SLC22A23: variants seen among roughly 807,000 people sequenced by gnomAD.
The protein encoded by SLC22A23 is ion transporter protein.
In SLC22A23, 26 loss-of-function variants were observed where a neutral mutation model predicts 61.0. The ratio of observed to expected loss-of-function variants is 0.43; its 90% CI spans 0.31 to 0.59. The LOEUF (loss-of-function observed/expected upper bound fraction) is 0.59. Among genes scored for constraint, SLC22A23 ranks in the 20% least tolerant of loss-of-function variants. The pLI is 0.11. For missense variants in SLC22A23, 796 were observed against 934.7 expected, an observed-to-expected ratio of 0.85 and a Z score of 1.94; for synonymous variants, 430 against 413.9, an observed-to-expected ratio of 1.04 and a Z score of -0.47.
chr6:3,423,523 G>A (rs1478755601), intron 1 of SLC22A23, among the ~76,000 whole-genome samples: 2 of 152,108 alleles, frequency 1.3e-5, no homozygotes, highest in African/African-American at 4.8e-5. Flanking sequence ...TTTATTAACG[G>A]CCCTCATCAA....
chr6:3,439,269 C>T lies in SLC22A23; in HGVS notation c.654+16637G>A, dbSNP rs997625680. On this transcript the variant is annotated intron_variant, in intron 1 of 9. Transcript: ENST00000406686. ...CGACAAAAATGTCTCCAGACATTGC[C>T]GAATGTTCTCTGGGAGCAAAATCAT... The T allele has an allele frequency of 2.8e-5, 12 of 436,354 alleles. No homozygotes were observed. The East Asian group carries it at 3.5e-4, about 13-fold the overall frequency. 27.0% of individuals were successfully genotyped at this position (436,354 alleles called of 1,614,324 possible). A position where few individuals can be genotyped will look rare whatever the true frequency, so the allele number is the denominator to read the frequency against.
chr6:3,415,217 A>ACCGAAATGCTCTT (rs910335281), intron 2 of SLC22A23, among the ~76,000 whole-genome samples: 2 of 152,108 alleles, frequency 1.3e-5, no homozygotes, highest in African/African-American at 2.4e-5. Flanking sequence ...CATCTGTATT[A>ACCGAAATGCTCTT]CCGAAATGCT....
chr6:3,297,036 G>A lies in SLC22A23; in HGVS notation c.1210+1055C>T, dbSNP rs905410400. 3.9e-5 allele frequency among the ~76,000 whole-genome samples: 6 copies of A among 152,164 alleles called. No individual in the cohort carries two copies. The highest frequency in any genetic ancestry group is 4.4e-5 in the Non-Finnish European group (3 of 68,014). On this transcript the variant is annotated intron_variant, in intron 5 of 9. Coordinates refer to ENST00000406686, the MANE Select transcript of SLC22A23 (RefSeq NM_015482.2). The surrounding 1 kb of genome is among the most constrained non-coding windows in gnomAD (Gnocchi z 4.3). ...GCCACTCTGACTGTAGTCCCTCCCT[G>A]CCACCCTCTATCCCACAGCCCTGCT...
chr6:3,341,780 G>A (rs1003664309), intron 3 of SLC22A23, among the ~76,000 whole-genome samples: 43 of 152,062 alleles, frequency 2.8e-4, no homozygotes, highest in Non-Finnish European at 8.8e-5. Context: ...AAGCGAGGGG[G>A]GTGGGGGCGG....
chr6:3,278,291 A>G (rs1759097803), intron 9 of SLC22A23, among the ~76,000 whole-genome samples: 1 of 152,192 alleles, frequency 6.6e-6, no homozygotes, highest in Non-Finnish European at 1.5e-5. Flanking sequence ...AGCACTTCAT[A>G]TTAGAAAGCC....
intron 2 of SLC22A23, among the ~76,000 whole-genome samples, chr6:3,413,342 C>T (rs938285545): frequency 3.3e-5 from 5 of 152,200 alleles, no homozygotes; most frequent in Non-Finnish European, 7.3e-5. Context: ...TGCCTGACCT[C>T]ACTCTCTTCT....
intron 3 of SLC22A23, among the ~76,000 whole-genome samples, chr6:3,374,913 G>A (rs1766462746): frequency 6.6e-6 from 1 of 152,188 alleles, no homozygotes; most frequent in South Asian, 2.1e-4. Context: ...GTTAGAATTT[G>A]GGTGGTGGCT....
intron 2 of SLC22A23, among the ~76,000 whole-genome samples, chr6:3,413,201 T>C (rs1170722934): frequency 6.6e-6 from 1 of 152,168 alleles, no homozygotes; most frequent in East Asian, 1.9e-4. Context: ...TGTTTGACCT[T>C]GCGGCTCTCG....
chr6:3,323,455 T>C, intron 4 of SLC22A23: 1 of 410,908 alleles, frequency 2.4e-6, no homozygotes, highest in South Asian at 1.9e-5. Flanking sequence ...TGTAAATCAC[T>C]CCTTTAATAT....
chr6:3,364,051 T>C (rs1160313726), intron 3 of SLC22A23, among the ~76,000 whole-genome samples: 1 of 152,240 alleles, frequency 6.6e-6, no homozygotes, highest in African/African-American at 2.4e-5. Flanking sequence ...CTGACATTTG[T>C]GCATCTCACC....
intron 3 of SLC22A23, among the ~76,000 whole-genome samples, chr6:3,340,989 T>G (rs1195325368): frequency 6.6e-6 from 1 of 152,240 alleles, no homozygotes; most frequent in Non-Finnish European, 1.5e-5. Flanking sequence ...CACCAATGCC[T>G]GCTATGGCAC....
At chr6:3,391,598 C>T (rs148126232) in intron 3 of SLC22A23, among the ~76,000 whole-genome samples, 39 of 152,264 alleles carry the variant, frequency 2.6e-4, no homozygotes, top group Non-Finnish European at 4.6e-4. Flanking sequence ...GTGCCAGGTG[C>T]AAATCCAAGC....
intron 3 of SLC22A23, among the ~76,000 whole-genome samples, chr6:3,358,752 A>C (rs1219712320): frequency 6.6e-6 from 1 of 152,208 alleles, no homozygotes; most frequent in African/African-American, 2.4e-5. Context: ...TAAAATTAAA[A>C]AATAAAATAA....
chr6:3,279,434 CA>C (rs1317256095), intron 9 of SLC22A23, among the ~76,000 whole-genome samples: 1 of 135,606 alleles, frequency 7.4e-6, no homozygotes, highest in East Asian at 2.3e-4. Flanking sequence ...TCACTTGAAC[CA>C]GGGAGTTGGA....
intron 1 of SLC22A23, among the ~76,000 whole-genome samples, chr6:3,430,591 T>G (rs1305371728): frequency 6.6e-6 from 1 of 152,136 alleles, no homozygotes; most frequent in African/African-American, 2.4e-5. Context: ...ATGCAAAAAG[T>G]GCTGTCCTCG....
chr6:3,420,395 G>A (rs1012939094), intron 1 of SLC22A23, among the ~76,000 whole-genome samples: 6 of 152,100 alleles, frequency 3.9e-5, no homozygotes, highest in African/African-American at 1.4e-4. Flanking sequence ...AATTTCTAAA[G>A]AAGATGGAAA....
chr6:3,362,327 C>A (rs1309180115), intron 3 of SLC22A23, among the ~76,000 whole-genome samples: 1 of 147,190 alleles, frequency 6.8e-6, no homozygotes, highest in Non-Finnish European at 1.5e-5. Context: ...CGCTTGAATC[C>A]GGGAGGCAGA....
chr6:3,332,946 T>A (rs1763658313), intron 3 of SLC22A23, among the ~76,000 whole-genome samples: 1 of 152,158 alleles, frequency 6.6e-6, no homozygotes, highest in African/African-American at 2.4e-5. Context: ...CCTGGTTTAA[T>A]CTCTAAACTG....
chr6:3,356,967 T>TAC (rs1765142882), intron 3 of SLC22A23, among the ~76,000 whole-genome samples: 1 of 150,052 alleles, frequency 6.7e-6, no homozygotes, highest in African/African-American at 2.5e-5. Context: ...CGTGGTTTGT[T>TAC]CTAAAGGCTG....
Sources: gnomAD v4.1 joint callset for allele counts (sites outside exome capture counted in the v4.1 genomes callset) on GRCh38, gnomAD v4.1.1 for gene constraint, Gnocchi (gnomAD v3.1) non-coding constraint, MANE v1.5 for transcripts, NCBI Gene and HGNC (gene_info 2026-07-23, HGNC 2026-07-21) for gene names.